Variants in USH2A observed in about 807,000 individuals in gnomAD.
USH2A encodes the protein usherin.
In USH2A, 443 loss-of-function variants were observed where a neutral mutation model predicts 538.9. The observed-to-expected ratio is 0.82, with a 90% confidence interval of 0.76 to 0.89. The LOEUF (loss-of-function observed/expected upper bound fraction) is 0.89, where lower values mean the gene tolerates loss of function less well. Ranked by LOEUF, USH2A falls within the 40% of genes least tolerant of loss-of-function variation. The pLI is 0.00. For missense variants in USH2A, 6,633 were observed against 6,324.8 expected (o/e 1.05, Z -1.65); for synonymous variants, 2,413 against 2,273.5 (o/e 1.06, Z -1.75).
chr1:216,337,186 A>T (rs2037990002), intron 4 of USH2A, among the ~76,000 whole-genome samples: 1 of 151,484 alleles, frequency 6.6e-6, no homozygotes, highest in Non-Finnish European at 1.5e-5. Flanking sequence ...GATGACAATG[A>T]CAGCTAATAA....
At chr1:216,107,278 T>G (rs925998719) in intron 21 of USH2A, among the ~76,000 whole-genome samples, 3 of 151,828 alleles carry the variant, frequency 2.0e-5, no homozygotes, top group African/African-American at 7.2e-5. Context: ...GTCCTTTGGT[T>G]TGTAAACTTC....
chr1:216,017,629 C>A (rs1668747840), intron 32 of USH2A, among the ~76,000 whole-genome samples: 1 of 152,048 alleles, frequency 6.6e-6, no homozygotes, highest in African/African-American at 2.4e-5. Flanking sequence ...ATAATAAGTT[C>A]CTGACTACCT....
chr1:215,940,637 T>G (rs1666609476), intron 37 of USH2A, among the ~76,000 whole-genome samples: 2 of 152,242 alleles, frequency 1.3e-5, no homozygotes, highest in African/African-American at 2.4e-5. Context: ...CCTACGAAGC[T>G]GTCTTCTCCA....
At chr1:216,398,881 G>A (rs1228546448) in intron 3 of USH2A, among the ~76,000 whole-genome samples, 1 of 152,164 alleles carries the variant, frequency 6.6e-6, no homozygotes, top group African/African-American at 2.4e-5. Flanking sequence ...CAAATAAGGA[G>A]CTTATTTTCT....
At chr1:216,093,227 T>A (rs1184696382) in intron 22 of USH2A, among the ~76,000 whole-genome samples, 1 of 152,044 alleles carries the variant, frequency 6.6e-6, no homozygotes, top group South Asian at 2.1e-4. Flanking sequence ...CCTCCCAAAG[T>A]GCTAGGATTA....
At chr1:216,219,004 GT>G (rs2035400869) in intron 14 of USH2A, among the ~76,000 whole-genome samples, 1 of 151,902 alleles carries the variant, frequency 6.6e-6, no homozygotes, top group Non-Finnish European at 1.5e-5. Flanking sequence ...GTGTGTGTGT[GT>G]GTGTGTATAT....
chr1:215,796,984 C>A (rs1029658869), intron 50 of USH2A, among the ~76,000 whole-genome samples: 7 of 152,174 alleles, frequency 4.6e-5, no homozygotes, highest in African/African-American at 1.7e-4. Context: ...GATGACAAAT[C>A]TTGTGGGTCT....
At chr1:215,853,502 A>G (rs1190169212) in intron 44 of USH2A, among the ~76,000 whole-genome samples, 1 of 152,186 alleles carries the variant, frequency 6.6e-6, no homozygotes, top group Non-Finnish European at 1.5e-5. Flanking sequence ...TACTTAGGTA[A>G]ATTATGTAAA....
At chr1:215,946,962 T>C (rs1666774167) in intron 37 of USH2A, among the ~76,000 whole-genome samples, 1 of 152,112 alleles carries the variant, frequency 6.6e-6, no homozygotes, top group Non-Finnish European at 1.5e-5. Context: ...AAATAATGTA[T>C]TATCTCATTA....
chr1:216,183,841 T>C (rs1414382681), intron 20 of USH2A, among the ~76,000 whole-genome samples: 1 of 152,058 alleles, frequency 6.6e-6, no homozygotes, highest in Non-Finnish European at 1.5e-5. Context: ...GGTTCTTTCC[T>C]AAGAACTGAC....
intron 32 of USH2A, among the ~76,000 whole-genome samples, chr1:216,036,071 T>G (rs559205008): frequency 6.6e-6 from 1 of 152,000 alleles, no homozygotes; most frequent in Non-Finnish European, 1.5e-5. Flanking sequence ...ATACATAACG[T>G]TTTGATGGTG....
chr1:216,271,385 G>A (rs2036572626), intron 11 of USH2A, among the ~76,000 whole-genome samples: 1 of 152,114 alleles, frequency 6.6e-6, no homozygotes, highest in Admixed American at 6.6e-5. Context: ...GGAGAGTAGT[G>A]TGAGGAGGGG....
At chr1:215,741,162 C>G (rs963951640) in intron 60 of USH2A, among the ~76,000 whole-genome samples, 3 of 151,972 alleles carry the variant, frequency 2.0e-5, no homozygotes, top group Non-Finnish European at 4.4e-5. Context: ...TGGCTTTTTT[C>G]CTTGGTTAAT....
rs145803438 is a variant in USH2A at position 215,671,072 on chromosome 1, G to A, written c.14033C>T (p.Ala4678Val). The part of the protein sequence containing the change: ...LYYELYRRQI[A>V]TQPRKSNPVL... ...TGGATTGGATTTTCTAGGCTGAGTT[G>A]CTATTTGTCTTCTGTATAATTCGTA... Residue 4678 changes from alanine (A) to valine (V), a missense_variant, in exon 64 of 72, where the codon GCA (alanine) becomes GTA (valine). Coordinates refer to ENST00000307340, the MANE Select transcript of USH2A (RefSeq NM_206933.4). 1.9e-6 allele frequency: 3 copies of A among 1,614,140 alleles called. No individual in the cohort carries two copies. The highest frequency in any genetic ancestry group is 2.5e-6 in the Non-Finnish European group (3 of 1,180,006).
intron 64 of USH2A, among the ~76,000 whole-genome samples, chr1:215,657,444 C>G (rs1657296678): frequency 2.0e-5 from 3 of 152,190 alleles, no homozygotes; most frequent in Non-Finnish European, 1.5e-5. Context: ...GCCCTGCAGG[C>G]TCCAGTTATG....
chr1:216,206,098 C>T (rs150576356), intron 16 of USH2A, among the ~76,000 whole-genome samples: 127 of 152,194 alleles, frequency 8.3e-4, no homozygotes, highest in African/African-American at 2.9e-3. Flanking sequence ...GTTAGTACTC[C>T]ACTGCCAGAT....
chr1:216,309,475 G>T (rs1400769653), intron 9 of USH2A, among the ~76,000 whole-genome samples: 3 of 151,984 alleles, frequency 2.0e-5, no homozygotes, highest in African/African-American at 7.2e-5. Flanking sequence ...TGTTGTGATT[G>T]TTTATTTATT....
chr1:215,765,860 A>G (rs1661114111), intron 56 of USH2A, among the ~76,000 whole-genome samples: 1 of 152,142 alleles, frequency 6.6e-6, no homozygotes, highest in Non-Finnish European at 1.5e-5. Context: ...GAATAGCTGA[A>G]TTTATTTAGC....
chr1:215,771,336 T>A (rs1323283267), intron 55 of USH2A, among the ~76,000 whole-genome samples: 2 of 151,386 alleles, frequency 1.3e-5, no homozygotes, highest in Non-Finnish European at 2.9e-5. Flanking sequence ...ATCCCAGCAC[T>A]TTGGGAGGCC....
Sources: gnomAD v4.1 joint callset for allele counts (sites outside exome capture counted in the v4.1 genomes callset) on GRCh38, gnomAD v4.1.1 for gene constraint, MANE v1.5 for transcripts, NCBI Gene and HGNC (gene_info 2026-07-23, HGNC 2026-07-21) for gene names.